TAF15: variants seen among roughly 807,000 people sequenced by gnomAD.
The protein encoded by TAF15 is TATA-box binding protein associated factor 15.
Under a neutral mutation model 102.5 loss-of-function variants are expected in TAF15, and 37 were observed. The observed-to-expected ratio is 0.36, with a 90% confidence interval of 0.28 to 0.47. The LOEUF is 0.47. TAF15 is among the 20% of genes least tolerant of loss of function. The pLI is 0.99. For missense variants in TAF15, 652 were observed against 760.7 expected (o/e 0.86, Z 1.68); for synonymous variants, 273 against 259.2 (o/e 1.05, Z -0.51).
intron 7 of TAF15, among the ~76,000 whole-genome samples, chr17:35,833,099 G>T (rs138772079): frequency 1.3e-5 from 2 of 152,026 alleles, no homozygotes; most frequent in African/African-American, 4.8e-5. Context: ...GGAGGTTGCA[G>T]TGAGCCAAGA....
In TAF15 at chr17:35,816,815, C is replaced by CTTTTTTTTTT. The variant is rs1170506741; in HGVS notation, c.8-882_8-873dup. 5 of 57,430 alleles carry CTTTTTTTTTT rather than the reference C, an allele frequency of 8.7e-5. 1 individual carries two copies. The highest frequency in any genetic ancestry group is 2.2e-4 in the African/African-American group (3 of 13,564). The allele number at this position is 57,430 out of a possible 1,614,324, so 3.6% of individuals were successfully genotyped here. A position where few individuals can be genotyped will look rare whatever the true frequency, so the allele number is the denominator to read the frequency against. ...TGTTACCACCCCCACCCCACCCCCA[C>CTTTTTTTTTT]TTTTTTTTTTTTTTTTTTTTTTTTT... On this transcript the variant is annotated intron_variant, in intron 1 of 15. Transcript: ENST00000605844.
intron 7 of TAF15, among the ~76,000 whole-genome samples, chr17:35,824,838 G>A (rs1308816057): frequency 6.6e-6 from 1 of 151,786 alleles, no homozygotes; most frequent in Non-Finnish European, 1.5e-5. Flanking sequence ...TCAGGTTTTG[G>A]TATTTATTTA....
At chr17:35,814,959 CCT>C (rs2087178281) in intron 1 of TAF15, among the ~76,000 whole-genome samples, 1 of 151,600 alleles carries the variant, frequency 6.6e-6, no homozygotes, top group South Asian at 2.1e-4. Context: ...AAAAAAAATA[CCT>C]CTTTGTGTAA....
intron 7 of TAF15, among the ~76,000 whole-genome samples, chr17:35,827,922 G>T (rs1336446710): frequency 6.6e-6 from 1 of 151,964 alleles, no homozygotes; most frequent in African/African-American, 2.4e-5. Context: ...AAAAGCAATT[G>T]TAGCAAAAAA....
At chr17:35,814,099 ATCTT>A (rs1433290219) in intron 1 of TAF15, among the ~76,000 whole-genome samples, 6 of 151,632 alleles carry the variant, frequency 4.0e-5, no homozygotes, top group African/African-American at 1.5e-4. Context: ...TAGAGATAGG[ATCTT>A]TCTGTGTTGC....
chr17:35,840,249 T>C (rs78035132), intron 11 of TAF15, among the ~76,000 whole-genome samples: 2 of 127,046 alleles, frequency 1.6e-5, no homozygotes, highest in East Asian at 2.2e-4. Context: ...TTATTTTCCT[T>C]TTTTTTTTTT....
At chr17:35,832,884 C>T (rs566527253) in intron 7 of TAF15, among the ~76,000 whole-genome samples, 3 of 152,150 alleles carry the variant, frequency 2.0e-5, no homozygotes, top group East Asian at 1.9e-4. Context: ...TGTCCTGGCG[C>T]AGTGGCTCGT....
intron 11 of TAF15, among the ~76,000 whole-genome samples, chr17:35,841,593 A>G (rs1302680666): frequency 6.6e-6 from 1 of 151,718 alleles, no homozygotes; most frequent in Non-Finnish European, 1.5e-5. Flanking sequence ...TTGTAGAGAC[A>G]GGGTTTCCCC....
chr17:35,829,170 T>C (rs1424327007), intron 7 of TAF15, among the ~76,000 whole-genome samples: 2 of 152,186 alleles, frequency 1.3e-5, no homozygotes, highest in African/African-American at 2.4e-5. Flanking sequence ...AAGCACAGCA[T>C]GGGTTTTTAA....
At chr17:35,809,627 G>T (rs1425777334) in intron 1 of TAF15, 51 bp downstream of exon 1, 1 of 1,612,408 alleles carries the variant, frequency 6.2e-7, no homozygotes, top group African/African-American at 1.3e-5. Context: ...GTCCTGGCGG[G>T]GTTGGGCTGT....
intron 7 of TAF15, among the ~76,000 whole-genome samples, chr17:35,832,413 G>A (rs2087418104): frequency 6.6e-6 from 1 of 152,194 alleles, no homozygotes. Flanking sequence ...GCAGCTGTAA[G>A]TGGAAATATT....
At chr17:35,826,318 A>G (rs1032585037) in intron 7 of TAF15, among the ~76,000 whole-genome samples, 1 of 152,016 alleles carries the variant, frequency 6.6e-6, no homozygotes, top group African/African-American at 2.4e-5. Flanking sequence ...TGAGATGTTC[A>G]TGAAAGGCCT....
At chr17:35,840,885 G>A (rs1009863713) in intron 11 of TAF15, among the ~76,000 whole-genome samples, 1 of 151,946 alleles carries the variant, frequency 6.6e-6, no homozygotes, top group Non-Finnish European at 1.5e-5. Flanking sequence ...TGAAATTGTA[G>A]TACCCTGTCT....
chr17:35,822,883 TG>T, intron 6 of TAF15, 50 bp downstream of exon 6: 1 of 1,603,620 alleles, frequency 6.2e-7, no homozygotes, highest in Non-Finnish European at 8.5e-7. Flanking sequence ...CAGAATTATT[TG>T]TATGAATTTC....
rs769106438 is a variant in TAF15 at position 35,844,780 on chromosome 17, A to C, written c.1481A>C (p.Tyr494Ser). The change falls in exon 15 of 16, where the codon TAT (tyrosine) becomes TCT (serine). Residue 494 changes from tyrosine (Y) to serine (S), a missense_variant. By Grantham distance (144) the Tyr-to-Ser change is moderately radical. Around this residue, in one of 3 missense-constraint regions of TAF15, gnomAD observed 368 missense variants for 367.5 expected, o/e 1.00. Coordinates refer to ENST00000605844, the MANE Select transcript of TAF15 (RefSeq NM_139215.3). ...GGYGGDRGGG[Y>S]GGDRGGYGGD... The stretch of plus-strand genomic sequence containing the variant: ...TATGGAGGAGACCGAGGTGGAGGCT[A>C]TGGTGGAGACCGAGGAGGCTATGGA... The C allele has an allele frequency of 3.7e-6, 6 of 1,604,644 alleles. No individual in the cohort carries two copies. The highest frequency in any genetic ancestry group is 2.3e-5 in the East Asian group (1 of 44,366).
At chr17:35,846,535 A>G (rs2087624809) in intron 15 of TAF15, among the ~76,000 whole-genome samples, 2 of 152,196 alleles carry the variant, frequency 1.3e-5, no homozygotes, top group African/African-American at 4.8e-5. Context: ...AACTTTTCCA[A>G]GGTCACATAG....
At chr17:35,817,790 G>T in intron 2 of TAF15, 35 bp downstream of exon 2, 1 of 1,590,492 alleles carries the variant, frequency 6.3e-7, no homozygotes, top group Non-Finnish European at 8.6e-7. Flanking sequence ...ATATGAAAGG[G>T]TAGAACTGAG....
At position 35,833,887 on chromosome 17, in the gene TAF15, C is replaced by A. The variant is rs1204628480; in HGVS notation, c.606-20C>A. ...TAGAGACTTAAGGAAGAAATCATTT[C>A]TTCAATTTTTCCTCTGCAGTGGTGG... is the stretch of plus-strand genomic sequence containing the variant. On this transcript the variant is annotated intron_variant, in intron 7 of 15. Transcript: ENST00000605844. The A allele has an allele frequency of 6.2e-7, 1 of 1,613,484 alleles. No homozygotes were observed. Among genetic ancestry groups the A allele is most frequent in the African/African-American group, 1.3e-5 (1 of 74,856 alleles).
At chr17:35,821,093 A>G (rs547630586) in intron 5 of TAF15, among the ~76,000 whole-genome samples, 2 of 152,204 alleles carry the variant, frequency 1.3e-5, no homozygotes, top group African/African-American at 2.4e-5. Flanking sequence ...CCCATTTTAC[A>G]GAGGGTAAAG....
Sources: gnomAD v4.1 joint callset for allele counts (sites outside exome capture counted in the v4.1 genomes callset) on GRCh38, gnomAD v4.1.1 for gene constraint, gnomAD v4.1.1 regional missense constraint, MANE v1.5 for transcripts, NCBI Gene and HGNC (gene_info 2026-07-23, HGNC 2026-07-21) for gene names.